The following SGCZ variants were observed in gnomAD, a reference collection of about 807,000 sequenced individuals.
SGCZ encodes sarcoglycan zeta.
In SGCZ, 40 loss-of-function variants were observed where a neutral mutation model predicts 41.3. The observed-to-expected ratio is 0.97, with a 90% CI of 0.75 to 1.26. The LOEUF is 1.26. Ranked by LOEUF, SGCZ falls within the 50% of genes most tolerant of loss-of-function variation. The pLI, the probability that SGCZ is intolerant of heterozygous loss-of-function variation, is 0.00. For missense variants in SGCZ, 552 were observed against 369.8 expected (o/e 1.49, Z -4.04); for synonymous variants, 206 against 137.5 (o/e 1.50, Z -3.49).
intron 1 of SGCZ, among the ~76,000 whole-genome samples, chr8:14,794,698 C>A (rs927900822): frequency 2.0e-5 from 3 of 152,232 alleles, no homozygotes; most frequent in Admixed American, 1.3e-4. Flanking sequence ...AAAGTTCCAA[C>A]GCAAAGGATG....
At chr8:14,675,050 T>G (rs1563195253) in intron 1 of SGCZ, among the ~76,000 whole-genome samples, 2 of 144,214 alleles carry the variant, frequency 1.4e-5, no homozygotes, top group Non-Finnish European at 3.0e-5. Flanking sequence ...GCCATTCTCC[T>G]GCTTCAGCCT....
At chr8:14,996,767 A>G (rs1802234911) in intron 1 of SGCZ, among the ~76,000 whole-genome samples, 2 of 152,222 alleles carry the variant, frequency 1.3e-5, no homozygotes, top group African/African-American at 4.8e-5. Context: ...CAGCATTGAC[A>G]TTTGGGCTAA....
intron 1 of SGCZ, among the ~76,000 whole-genome samples, chr8:15,198,925 G>T (rs554754137): frequency 6.6e-6 from 1 of 152,268 alleles, no homozygotes; most frequent in African/African-American, 2.4e-5. Flanking sequence ...GCAGGCTAAT[G>T]GAAGAGCTCC....
Position 14,164,569 on chromosome 8 carries a change from A to T in SGCZ, c.547+11T>A, listed in dbSNP as rs1337414067. The T allele has an allele frequency of 6.2e-7, 1 of 1,612,920 alleles. No individual in the cohort carries two copies. The highest frequency in any genetic ancestry group is 8.5e-7 in the Non-Finnish European group (1 of 1,179,376). Reference sequence around the variant, plus strand: ...AAGTAAACAATTTTTCAAGACCTCCATCTACAGTACCTGTAACTTTCAGCT... The same window carrying T: ...AAGTAAACAATTTTTCAAGACCTCCTTCTACAGTACCTGTAACTTTCAGCT... On this transcript the variant is annotated intron_variant, in intron 5 of 7. Transcript: ENST00000382080.
chr8:14,169,617 C>T (rs1585197583), intron 4 of SGCZ, among the ~76,000 whole-genome samples: 1 of 152,292 alleles, frequency 6.6e-6, no homozygotes, highest in East Asian at 1.9e-4. Flanking sequence ...CAACACACTT[C>T]CTGTAGCCAG....
chr8:14,887,186 T>G (rs977010611), intron 1 of SGCZ, among the ~76,000 whole-genome samples: 1 of 152,194 alleles, frequency 6.6e-6, no homozygotes, highest in African/African-American at 2.4e-5. Context: ...AAGTCTTCAC[T>G]GGAGATATAA....
chr8:14,885,461 T>C (rs143771416), intron 1 of SGCZ, among the ~76,000 whole-genome samples: 1 of 152,308 alleles, frequency 6.6e-6, no homozygotes, highest in Non-Finnish European at 1.5e-5. Flanking sequence ...TTAATTGGGT[T>C]GGATCCTTCT....
At chr8:14,731,025 C>G (rs891564778) in intron 1 of SGCZ, among the ~76,000 whole-genome samples, 2 of 151,632 alleles carry the variant, frequency 1.3e-5, no homozygotes, top group South Asian at 2.1e-4. Context: ...CCCAGCAACC[C>G]CATTACTAGG....
chr8:14,474,102 C>A (rs1801290927), intron 2 of SGCZ, among the ~76,000 whole-genome samples: 1 of 152,068 alleles, frequency 6.6e-6, no homozygotes, highest in South Asian at 2.1e-4. Flanking sequence ...TAGAATCTTT[C>A]TATTGATGAA....
At chr8:14,823,197 A>C (rs1202546066) in intron 1 of SGCZ, among the ~76,000 whole-genome samples, 1 of 152,092 alleles carries the variant, frequency 6.6e-6, no homozygotes, top group Non-Finnish European at 1.5e-5. Flanking sequence ...AAGACTTCAA[A>C]AGCACAGGTA....
chr8:15,038,836 A>AAAAGAAAG (rs1206876586), intron 1 of SGCZ, among the ~76,000 whole-genome samples: 7 of 145,418 alleles, frequency 4.8e-5, no homozygotes, highest in African/African-American at 1.3e-4. Context: ...AAAAAAAAAA[A>AAAAGAAAG]AAAGAAAGAA....
intron 3 of SGCZ, among the ~76,000 whole-genome samples, chr8:14,305,919 C>A (rs769340969): frequency 6.6e-6 from 1 of 152,154 alleles, no homozygotes; most frequent in Non-Finnish European, 1.5e-5. Context: ...TGTTCAAGCC[C>A]GGACTAACCT....
intron 3 of SGCZ, chr8:14,308,990 A>G: frequency 1.1e-6 from 1 of 885,800 alleles, no homozygotes; most frequent in East Asian, 2.5e-5. Context: ...ATGAATTCCA[A>G]ACCGCACCCG....
At chr8:14,293,813 C>A (rs1452052254) in intron 3 of SGCZ, among the ~76,000 whole-genome samples, 2 of 151,694 alleles carry the variant, frequency 1.3e-5, no homozygotes, top group Non-Finnish European at 3.0e-5. Context: ...GTAAGATTAT[C>A]CTCATCATTA....
intron 2 of SGCZ, among the ~76,000 whole-genome samples, chr8:14,347,542 C>T (rs949687089): frequency 1.3e-5 from 2 of 149,330 alleles, no homozygotes; most frequent in African/African-American, 5.0e-5. Context: ...TTACCACAGA[C>T]TTTGTATTTA....
chr8:14,365,736 G>A lies in SGCZ; in HGVS notation c.235-41532C>T, dbSNP rs565147601. Reference sequence around the variant, plus strand: ...TTTATCTTAAGGCTTAACAGGGATTGTTCCACTTATTTTGTCCATTTTGTT... The same window carrying A: ...TTTATCTTAAGGCTTAACAGGGATTATTCCACTTATTTTGTCCATTTTGTT... On this transcript the variant is annotated intron_variant, in intron 2 of 7. Coordinates refer to ENST00000382080, the MANE Select transcript of SGCZ (RefSeq NM_139167.4). Among the ~76,000 whole-genome samples the A allele has an allele frequency of 2.0e-5, 3 of 152,136 alleles. No individual in the cohort carries two copies. In the South Asian group the frequency reaches 6.2e-4, roughly 32 times the overall value.
intron 1 of SGCZ, among the ~76,000 whole-genome samples, chr8:14,736,390 T>G (rs1030781457): frequency 6.6e-6 from 1 of 152,206 alleles, no homozygotes; most frequent in Admixed American, 6.5e-5. Context: ...TGTTGCATTC[T>G]ACATTAAATG....
chr8:14,195,736 A>T (rs1007500337), intron 4 of SGCZ, among the ~76,000 whole-genome samples: 4 of 152,196 alleles, frequency 2.6e-5, no homozygotes, highest in Non-Finnish European at 2.9e-5. Context: ...AAGTGATGAC[A>T]TAGGAGAGCA....
At chr8:14,448,869 G>A (rs948065225) in intron 2 of SGCZ, among the ~76,000 whole-genome samples, 5 of 152,082 alleles carry the variant, frequency 3.3e-5, no homozygotes, top group South Asian at 2.1e-4. Flanking sequence ...ATAGCTGGGC[G>A]CTGTACTTGT....
Sources: gnomAD v4.1 joint callset for allele counts (sites outside exome capture counted in the v4.1 genomes callset) on GRCh38, gnomAD v4.1.1 for gene constraint, MANE v1.5 for transcripts, NCBI Gene and HGNC (gene_info 2026-07-23, HGNC 2026-07-21) for gene names.